SNX29: variants seen among roughly 807,000 people sequenced by gnomAD.
The protein encoded by SNX29 is sorting nexin-29.
Under a neutral mutation model 102.1 loss-of-function variants are expected in SNX29, and 78 were observed. That is an observed-to-expected ratio of 0.76 (90% CI 0.64 to 0.92). The LOEUF (loss-of-function observed/expected upper bound fraction) is 0.92, where lower values mean the gene tolerates loss of function less well. SNX29 is among the 40% of genes least tolerant of loss of function. SNX29 has a pLI of 0.00. For synonymous variants in SNX29, 580 were observed against 414.5 expected (o/e 1.40, Z -4.85); for missense variants, 1,280 against 1,061.7 (o/e 1.21, Z -2.86).
At chr16:12,171,406 G>T (rs1033790452) in intron 13 of SNX29, among the ~76,000 whole-genome samples, 1 of 152,196 alleles carries the variant, frequency 6.6e-6, no homozygotes, top group Non-Finnish European at 1.5e-5. Context: ...CAGCAAATGT[G>T]TGGTTTTGAA....
chr16:11,977,031 T>G (rs928066707), intron 1 of SNX29: 1 of 477,054 alleles, frequency 2.1e-6, no homozygotes, highest in African/African-American at 2.0e-5. Context: ...CCTGGTCTCC[T>G]GACTCCTGTC....
chr16:12,182,112 C>T (rs1464079963), intron 13 of SNX29, among the ~76,000 whole-genome samples: 3 of 150,946 alleles, frequency 2.0e-5, no homozygotes, highest in Admixed American at 2.0e-4. Flanking sequence ...GTCTTGAACT[C>T]CTGACCTCAG....
intron 12 of SNX29, among the ~76,000 whole-genome samples, chr16:12,127,258 CAAAAAAAAAA>C (rs1046917658): frequency 9.7e-6 from 1 of 103,080 alleles, no homozygotes; most frequent in Admixed American, 1.0e-4. Flanking sequence ...GCCTCTGTCT[CAAAAAAAAAA>C]AATAAAATAA....
At chr16:12,075,477 G>A (rs1402592885) in intron 10 of SNX29, among the ~76,000 whole-genome samples, 1 of 152,158 alleles carries the variant, frequency 6.6e-6, no homozygotes. Flanking sequence ...GCAGAACCAG[G>A]GATTTTCGTG....
chr16:12,541,874 C>T (rs933273279), intron 20 of SNX29, among the ~76,000 whole-genome samples: 1 of 152,174 alleles, frequency 6.6e-6, no homozygotes, highest in Admixed American at 6.5e-5. Flanking sequence ...CCAGTCAATG[C>T]TTGATGAATG....
intron 14 of SNX29, among the ~76,000 whole-genome samples, chr16:12,257,692 T>A (rs1173910705): frequency 3.0e-4 from 5 of 16,888 alleles, no homozygotes; most frequent in African/African-American, 2.3e-3. Context: ...TATTTAAAAT[T>A]TTTTTTTTTT....
At chr16:12,448,105 C>A (rs970267902) in intron 18 of SNX29, among the ~76,000 whole-genome samples, 1 of 152,118 alleles carries the variant, frequency 6.6e-6, no homozygotes, top group African/African-American at 2.4e-5. Context: ...GCAAAAATGA[C>A]GTTATTATCT....
intron 15 of SNX29, among the ~76,000 whole-genome samples, chr16:12,309,434 G>A (rs1223060056): frequency 6.6e-6 from 1 of 152,094 alleles, no homozygotes. Context: ...CCCCCCACAA[G>A]TAACCTGTCC....
intron 20 of SNX29, among the ~76,000 whole-genome samples, chr16:12,562,910 A>G (rs765121013): frequency 1.1e-4 from 16 of 152,210 alleles, no homozygotes; most frequent in African/African-American, 1.9e-4. Flanking sequence ...TGTGCTTGAG[A>G]TTCGTCCATG....
rs541941111 is a variant in SNX29, at chr16:12,196,914, C to T, written c.1596-2687C>T. Among the ~76,000 whole-genome samples the T allele has an allele frequency of 8.5e-5, 13 of 152,288 alleles. No homozygotes were observed. The South Asian group carries it at 2.5e-3, about 29-fold the overall frequency. ...GGGATTCCAGGTGTGAGCCACTGCA[C>T]CCAGCCAGGTGTGATTTTTAGGTGG... On this transcript the variant is annotated intron_variant, in intron 13 of 20. Coordinates refer to ENST00000566228, the MANE Select transcript of SNX29 (RefSeq NM_032167.5).
At chr16:12,498,523 A>G (rs2088943887) in intron 19 of SNX29, among the ~76,000 whole-genome samples, 1 of 152,214 alleles carries the variant, frequency 6.6e-6, no homozygotes, top group Admixed American at 6.5e-5. Flanking sequence ...CCATTTATTC[A>G]TCCATTCTGC....
chr16:12,524,744 TA>T lies in SNX29; in HGVS notation c.2222del (p.Tyr741SerfsTer6), dbSNP rs2090233532. 1 of 1,613,454 alleles carries T rather than the reference TA, an allele frequency of 6.2e-7. No individual in the cohort carries two copies. Among genetic ancestry groups the T allele is most frequent in the African/African-American group, 1.3e-5 (1 of 74,796 alleles). ...VEERRKQLQNYLRSVMNKVIQ... is the reference protein window; with the variant it reads ...VEERRKQLQNXLRSVMNKVIQ... ...GGAACGGAGAAAGCAGCTCCAGAATTACCTGCGCAGCGTCATGAACAAAGTC... is the reference window on the plus strand; with the variant it reads ...GGAACGGAGAAAGCAGCTCCAGAATTCCTGCGCAGCGTCATGAACAAAGTC... On this transcript the variant is annotated frameshift_variant, in exon 20 of 21. Coordinates refer to ENST00000566228, the MANE Select transcript of SNX29 (RefSeq NM_032167.5). LOFTEE classifies it high-confidence loss of function.
At chr16:12,050,237 G>A (rs956402517) in intron 7 of SNX29, among the ~76,000 whole-genome samples, 10 of 152,130 alleles carry the variant, frequency 6.6e-5, no homozygotes, top group South Asian at 2.1e-4. Flanking sequence ...AGGCCTCACC[G>A]CATCACACAT....
intron 8 of SNX29, chr16:12,060,967 G>A (rs769918343): frequency 1.2e-4 from 53 of 425,854 alleles, no homozygotes; most frequent in South Asian, 3.6e-4. Context: ...CAGATGCAGC[G>A]AGGCGGAGCA....
At chr16:12,248,050 C>T (rs750406900) in intron 14 of SNX29, among the ~76,000 whole-genome samples, 18 of 152,208 alleles carry the variant, frequency 1.2e-4, no homozygotes, top group Non-Finnish European at 2.5e-4. Context: ...GCAGCTTCCC[C>T]GCTGCCCTCC....
intron 12 of SNX29, among the ~76,000 whole-genome samples, chr16:12,127,346 C>T (rs578223170): frequency 8.4e-4 from 128 of 151,766 alleles, no homozygotes; most frequent in African/African-American, 2.9e-3. Flanking sequence ...AACATCAACA[C>T]AGTCAATTTT....
chr16:12,142,321 A>G (rs867841761), intron 13 of SNX29, among the ~76,000 whole-genome samples: 1 of 151,278 alleles, frequency 6.6e-6, no homozygotes, highest in African/African-American at 2.4e-5. Flanking sequence ...TCCTGAGCTG[A>G]GTGAGTTGTG....
chr16:11,987,881 G>A (rs2055692912), intron 1 of SNX29, among the ~76,000 whole-genome samples: 1 of 152,252 alleles, frequency 6.6e-6, no homozygotes, highest in South Asian at 2.1e-4. Flanking sequence ...ATTTATTTTT[G>A]TAGCTTTTGA....
At chr16:12,467,954 C>G (rs1286253149) in intron 18 of SNX29, among the ~76,000 whole-genome samples, 4 of 152,100 alleles carry the variant, frequency 2.6e-5, no homozygotes, top group Non-Finnish European at 5.9e-5. Flanking sequence ...AGCTCCAGCT[C>G]CGGCTCTGTG....
Sources: gnomAD v4.1 joint callset for allele counts (sites outside exome capture counted in the v4.1 genomes callset) on GRCh38, gnomAD v4.1.1 for gene constraint, MANE v1.5 for transcripts, NCBI Gene and HGNC (gene_info 2026-07-23, HGNC 2026-07-21) for gene names.